The following FBXL13 variants were observed in gnomAD, a reference collection of about 807,000 sequenced individuals.
FBXL13 encodes the protein F-box and leucine-rich repeat protein 13.
A neutral mutation model predicts 83.6 loss-of-function variants in FBXL13; 67 were observed. That is an observed-to-expected ratio of 0.80 (90% CI 0.66 to 0.98). The LOEUF is 0.98. FBXL13 is among the 50% of genes least tolerant of loss of function. The pLI, the probability that FBXL13 is intolerant of heterozygous loss-of-function variation, is 0.00. For synonymous variants in FBXL13, 272 were observed against 299.5 expected (o/e 0.91, Z 0.95); for missense variants, 822 against 866.5 (o/e 0.95, Z 0.64).
chr7:102,861,282 T>C lies in FBXL13; in HGVS notation c.1636-6422A>G, dbSNP rs1483655228. Among the ~76,000 whole-genome samples the C allele has an allele frequency of 2.0e-5, 3 of 152,288 alleles. No homozygotes were observed. In the East Asian group the frequency reaches 5.8e-4, roughly 29 times the overall value. ...GTGCATTGGATTTGGTTATCATGTC[T>C]TTTTAGTCTTTTTTTCTTTAAATTT... On this transcript the variant is annotated intron_variant, in intron 16 of 19. Transcript: ENST00000313221.
chr7:102,922,522 G>A lies in FBXL13; in HGVS notation c.878+3752C>T, dbSNP rs141945238. On this transcript the variant is annotated intron_variant, in intron 10 of 19. Coordinates refer to ENST00000313221, the Ensembl canonical transcript of FBXL13. ...AAAATTTTATATTTTACTATTTTGC[G>A]GATATAAAGGATGTGTAGCACGCAA... Among the ~76,000 whole-genome samples the A allele has an allele frequency of 3.7e-4, 57 of 152,108 alleles. No homozygotes were observed. The East Asian group carries it at 4.3e-3, about 11-fold the overall frequency.
At chr7:102,945,379 A>G (rs1444224667) in intron 8 of FBXL13, among the ~76,000 whole-genome samples, 1 of 152,196 alleles carries the variant, frequency 6.6e-6, no homozygotes, top group Non-Finnish European at 1.5e-5. Flanking sequence ...CATACTGGGA[A>G]TCCACCTGTC....
intron 11 of FBXL13, among the ~76,000 whole-genome samples, chr7:102,893,964 GAGAAAGAA>G (rs370471835): frequency 4.0e-5 from 3 of 75,324 alleles, no homozygotes; most frequent in Admixed American, 3.3e-4. Context: ...GAAAGAAAGA[GAGAAAGAA>G]AGAAAGAAAG....
intron 10 of FBXL13, among the ~76,000 whole-genome samples, chr7:102,917,128 A>G (rs1816053909): frequency 1.3e-5 from 2 of 152,210 alleles, no homozygotes; most frequent in Admixed American, 1.3e-4. Context: ...CATTTCAAGT[A>G]ATAGAATTCT....
At chr7:103,062,632 T>C (rs1003895305) in intron 1 of FBXL13, among the ~76,000 whole-genome samples, 2 of 152,102 alleles carry the variant, frequency 1.3e-5, no homozygotes, top group South Asian at 4.1e-4. Flanking sequence ...TTCTAAAATA[T>C]ATTTTTCCTG....
At chr7:103,062,869 G>T (rs1172679260) in intron 1 of FBXL13, among the ~76,000 whole-genome samples, 3 of 152,188 alleles carry the variant, frequency 2.0e-5, no homozygotes, top group Non-Finnish European at 4.4e-5. Flanking sequence ...GCTCCAAGTG[G>T]TTGAAGCCAT....
At chr7:103,020,511 A>G (rs1179886292) in intron 6 of FBXL13, among the ~76,000 whole-genome samples, 1 of 152,226 alleles carries the variant, frequency 6.6e-6, no homozygotes, top group Non-Finnish European at 1.5e-5. Context: ...AGGGTATTCA[A>G]TTAAGAAAAG....
At chr7:102,919,672 T>A (rs1816608785) in intron 10 of FBXL13, among the ~76,000 whole-genome samples, 1 of 152,208 alleles carries the variant, frequency 6.6e-6, no homozygotes, top group African/African-American at 2.4e-5. Context: ...TGGACCAATA[T>A]CTAAAACATT....
chr7:102,947,127 A>G (rs1822663446), intron 8 of FBXL13, among the ~76,000 whole-genome samples: 1 of 152,220 alleles, frequency 6.6e-6, no homozygotes, highest in African/African-American at 2.4e-5. Context: ...AGATGTAAGA[A>G]GTTCATTTAT....
chr7:102,812,244 CAT>C (rs1484968316), downstream of FBXL13, among the ~76,000 whole-genome samples: 3 of 152,172 alleles, frequency 2.0e-5, no homozygotes, highest in African/African-American at 7.2e-5. Context: ...TTCGGCAGCA[CAT>C]ATACTAAAAC....
In FBXL13 at chr7:102,963,517, T is replaced by A. The variant is rs764200645; in HGVS notation, c.724+16A>T. The A allele has an allele frequency of 6.2e-7, 1 of 1,606,598 alleles. No individual in the cohort carries two copies. ...TACAGGAAAGCAAGACAAATAGTTG[T>A]AATGAACATACTTACTGACAGATCT... On this transcript the variant is annotated intron_variant, in intron 8 of 19. Transcript: ENST00000313221.
At chr7:103,073,315 T>C (rs1799196135) in intron 1 of FBXL13, among the ~76,000 whole-genome samples, 2 of 152,296 alleles carry the variant, frequency 1.3e-5, no homozygotes, top group East Asian at 1.9e-4. Context: ...TTTTTCTTTT[T>C]TACTTAATAA....
chr7:102,968,224 C>G, intron 6 of FBXL13, 107 bp from the exon 8 acceptor site: 2 of 650,148 alleles, frequency 3.1e-6, no homozygotes, highest in Non-Finnish European at 5.3e-6. Context: ...CACACACACA[C>G]GCATTAGTAA....
At chr7:102,822,368 T>A in intron 18 of FBXL13, 165 bp from the exon 20 acceptor site, 1 of 742,556 alleles carries the variant, frequency 1.3e-6, no homozygotes. Context: ...AAGACTGAGA[T>A]AAAGATAGAG....
chr7:102,896,913 T>C (rs985097832), intron 11 of FBXL13, among the ~76,000 whole-genome samples: 4 of 152,156 alleles, frequency 2.6e-5, no homozygotes, highest in African/African-American at 9.7e-5. Context: ...CATCAATCCA[T>C]AATAGATGGT....
exon 4 of FBXL13, chr7:103,028,678 A>T: frequency 6.2e-7 from 1 of 1,604,530 alleles, no homozygotes; most frequent in Non-Finnish European, 8.5e-7. Context: ...AAATTGTAGC[A>T]TGTCACTGCT....
chr7:102,834,325 C>A (rs1034049005), intron 17 of FBXL13, among the ~76,000 whole-genome samples: 1 of 147,986 alleles, frequency 6.8e-6, no homozygotes, highest in Non-Finnish European at 1.5e-5. Flanking sequence ...GTTGTAAGTA[C>A]TAGATTTTAG....
At chr7:103,040,194 C>T (rs897691584) in intron 2 of FBXL13, among the ~76,000 whole-genome samples, 6 of 152,174 alleles carry the variant, frequency 3.9e-5, no homozygotes, top group African/African-American at 1.4e-4. Context: ...ATAAAACAGA[C>T]TTTAAACCAA....
exon 6 of FBXL13, chr7:103,025,071 T>C: frequency 6.2e-7 from 1 of 1,608,780 alleles, no homozygotes; most frequent in Non-Finnish European, 8.5e-7. Context: ...ACCTGTAATA[T>C]TGCTCTTTCA....
Sources: gnomAD v4.1 joint callset for allele counts (sites outside exome capture counted in the v4.1 genomes callset) on GRCh38, gnomAD v4.1.1 for gene constraint, MANE v1.5 for transcripts, NCBI Gene and HGNC (gene_info 2026-07-23, HGNC 2026-07-21) for gene names.